Variants in TRPM3 observed in about 807,000 individuals in gnomAD.
TRPM3 encodes long transient receptor potential channel 3.
TRPM3 carries 77 observed loss-of-function variants against 181.2 expected under a neutral mutation model. The observed-to-expected ratio is 0.42, with a 90% CI of 0.35 to 0.51. TRPM3 has a LOEUF of 0.51. Ranked by LOEUF, TRPM3 falls within the 20% of genes least tolerant of loss-of-function variation. The probability of loss-of-function intolerance (pLI) is 0.01; values close to 1 mark genes in which losing one functional copy is unlikely to be tolerated. For synonymous variants in TRPM3, 745 were observed against 796.4 expected, an observed-to-expected ratio of 0.94 and a Z score of 1.09; for missense variants, 1,759 against 2,196.7, an observed-to-expected ratio of 0.80 and a Z score of 3.98.
intron 9 of TRPM3, among the ~76,000 whole-genome samples, chr9:70,663,426 A>C (rs1223542935): frequency 6.6e-6 from 1 of 152,186 alleles, no homozygotes; most frequent in African/African-American, 2.4e-5. Flanking sequence ...GAGTGTTCAA[A>C]AATTATGAAT....
At chr9:70,545,600 G>A (rs1053446426) in intron 25 of TRPM3, among the ~76,000 whole-genome samples, 24 of 123,242 alleles carry the variant, frequency 1.9e-4, no homozygotes, top group Admixed American at 1.2e-3. Flanking sequence ...AGGCTAGAGC[G>A]CAGTGGTACG....
chr9:71,231,812 A>C (rs1031467607), intron 1 of TRPM3, among the ~76,000 whole-genome samples: 3 of 152,182 alleles, frequency 2.0e-5, no homozygotes, highest in Admixed American at 6.5e-5. Flanking sequence ...TTGGGTTAAA[A>C]AACTACCCAC....
intron 6 of TRPM3, chr9:70,827,363 A>T (rs2093618718): frequency 6.6e-6 from 1 of 151,640 alleles, no homozygotes; most frequent in Non-Finnish European, 1.5e-5. Flanking sequence ...AGCCACCAAA[A>T]AAAGCTTAAT....
At chr9:71,225,155 A>C (rs1354603080) in intron 1 of TRPM3, among the ~76,000 whole-genome samples, 1 of 152,176 alleles carries the variant, frequency 6.6e-6, no homozygotes, top group Non-Finnish European at 1.5e-5. Flanking sequence ...ACCCAAAAAA[A>C]CACTATCTTA....
At chr9:70,791,240 T>C (rs1475781697) in intron 6 of TRPM3, among the ~76,000 whole-genome samples, 2 of 152,202 alleles carry the variant, frequency 1.3e-5, no homozygotes, top group Non-Finnish European at 2.9e-5. Flanking sequence ...GCTATACATT[T>C]TTTTGCCATT....
intron 1 of TRPM3, among the ~76,000 whole-genome samples, chr9:71,075,886 A>C (rs1045187415): frequency 6.6e-6 from 1 of 152,226 alleles, no homozygotes; most frequent in African/African-American, 2.4e-5. Flanking sequence ...AGCTAGAAAC[A>C]TGGTAACTTG....
At chr9:70,550,479 C>G (rs2046212925) in intron 24 of TRPM3, among the ~76,000 whole-genome samples, 1 of 152,046 alleles carries the variant, frequency 6.6e-6, no homozygotes. Flanking sequence ...AAAAATAAAG[C>G]CTTATTTATT....
At chr9:71,037,111 T>C (rs1238526594) in intron 1 of TRPM3, among the ~76,000 whole-genome samples, 1 of 152,226 alleles carries the variant, frequency 6.6e-6, no homozygotes, top group Non-Finnish European at 1.5e-5. Context: ...GTGTGTGTAC[T>C]ATGTTATATA....
At chr9:70,791,878 G>C (rs13292043) in intron 6 of TRPM3, among the ~76,000 whole-genome samples, 11,803 of 152,110 alleles carry the variant, frequency 0.078, 473 homozygotes, top group African/African-American at 0.1. Context: ...CTCAGTGCTC[G>C]AGGCATTTTC....
At chr9:71,237,306 G>T (rs1349595828) in intron 1 of TRPM3, among the ~76,000 whole-genome samples, 1 of 151,936 alleles carries the variant, frequency 6.6e-6, no homozygotes, top group African/African-American at 2.4e-5. Flanking sequence ...ATGATACTAT[G>T]AACACAGTTC....
At position 70,921,799 on chromosome 9, in the gene TRPM3, A is replaced by G. The variant is rs138171088; in HGVS notation, c.178-57288T>C. Among the ~76,000 whole-genome samples, 5 of 152,202 alleles carry G rather than the reference A, an allele frequency of 3.3e-5. 1 individual carries two copies. The highest frequency in any genetic ancestry group is 1.2e-4 in the African/African-American group (5 of 41,534). ...TATAGAGAGGCCCACATGTCAGGGAACAGAGAGCGGCCTCTTCCCAACAGT... is the reference window on the plus strand; with the variant it reads ...TATAGAGAGGCCCACATGTCAGGGAGCAGAGAGCGGCCTCTTCCCAACAGT... On this transcript the variant is annotated intron_variant, in intron 1 of 25. Transcript: ENST00000677713.
intron 1 of TRPM3, among the ~76,000 whole-genome samples, chr9:71,176,749 A>C (rs1193538634): frequency 1.3e-5 from 2 of 152,030 alleles, no homozygotes; most frequent in Non-Finnish European, 2.9e-5. Context: ...CAGGTATATC[A>C]TTTTTAATCT....
intron 1 of TRPM3, among the ~76,000 whole-genome samples, chr9:70,995,386 C>T (rs1325505342): frequency 6.6e-6 from 1 of 152,108 alleles, no homozygotes; most frequent in Non-Finnish European, 1.5e-5. Context: ...GCTTTTAACT[C>T]TTATCTTTCC....
At position 70,533,313 on chromosome 9, in the gene TRPM3, T is replaced by G. The variant is rs2041142879; in HGVS notation, c.*2640A>C. The G allele has an allele frequency of 6.6e-6, 1 of 152,216 alleles. No homozygotes were observed. Among genetic ancestry groups the G allele is most frequent in the South Asian group, 2.1e-4 (1 of 4,834 alleles). The allele number at this position is 152,216 out of a possible 1,614,324, so 9.4% of individuals were successfully genotyped here. A position where few individuals can be genotyped will look rare whatever the true frequency, so the allele number is the denominator to read the frequency against. On this transcript the variant is annotated 3_prime_UTR_variant, in exon 26 of 26. Coordinates refer to ENST00000677713, the MANE Select transcript of TRPM3 (RefSeq NM_001366145.2). ...ACCCTTCAGGGAGACTTCAGCATTG[T>G]GATTGTGCTTGATACTTAAAATCAT... is the stretch of plus-strand genomic sequence containing the variant.
At position 71,021,831 on chromosome 9, in the gene TRPM3, TG is replaced by T. The variant is rs544035949; in HGVS notation, c.177+99346del. On this transcript the variant is annotated intron_variant, in intron 1 of 25. Coordinates refer to ENST00000677713, the MANE Select transcript of TRPM3 (RefSeq NM_001366145.2). The stretch of plus-strand genomic sequence containing the variant: ...GGGAAGGAAGAAGAAGGAATAGAGA[TG>T]AACTGATTTCAGTAAGACCTTATAT... 9.9e-5 allele frequency among the ~76,000 whole-genome samples: 15 copies of T among 152,274 alleles called. No homozygotes were observed. The East Asian group carries it at 2.9e-3, about 29-fold the overall frequency.
chr9:71,390,078 G>A (rs2093026274), intron 1 of TRPM3, among the ~76,000 whole-genome samples: 2 of 152,032 alleles, frequency 1.3e-5, no homozygotes, highest in Admixed American at 1.3e-4. Flanking sequence ...CTCCAGATAT[G>A]ACACATGAGT....
intron 19 of TRPM3, among the ~76,000 whole-genome samples, chr9:70,604,940 C>A (rs1409782844): frequency 6.8e-6 from 1 of 146,310 alleles, no homozygotes; most frequent in East Asian, 2.1e-4. Flanking sequence ...GCATGAGCCA[C>A]CATGCTCAGC....
chr9:71,113,608 C>T (rs915301890), intron 1 of TRPM3, among the ~76,000 whole-genome samples: 1 of 152,096 alleles, frequency 6.6e-6, no homozygotes, highest in Non-Finnish European at 1.5e-5. Context: ...TACTACCTAT[C>T]GACTACACAT....
intron 1 of TRPM3, among the ~76,000 whole-genome samples, chr9:71,204,727 G>A (rs2079019843): frequency 6.6e-6 from 1 of 152,180 alleles, no homozygotes; most frequent in South Asian, 2.1e-4. Flanking sequence ...ATACCCAAAG[G>A]ACTATAGATC....
Sources: gnomAD v4.1 joint callset for allele counts (sites outside exome capture counted in the v4.1 genomes callset) on GRCh38, gnomAD v4.1.1 for gene constraint, MANE v1.5 for transcripts, NCBI Gene and HGNC (gene_info 2026-07-23, HGNC 2026-07-21) for gene names.